The following THRAP3 variants were observed in gnomAD, a reference collection of about 807,000 sequenced individuals.
THRAP3 encodes the protein thyroid hormone receptor-associated protein 3.
THRAP3 carries 16 observed loss-of-function variants against 101.0 expected under a neutral mutation model. That is an observed-to-expected ratio of 0.16 (90% CI 0.11 to 0.24). The LOEUF (loss-of-function observed/expected upper bound fraction) is 0.24, where lower values mean the gene tolerates loss of function less well. THRAP3 is among the 10% of genes least tolerant of loss of function. The pLI, the probability that THRAP3 is intolerant of heterozygous loss-of-function variation, is 1.00. For missense variants in THRAP3, 989 were observed against 1,202.7 expected (o/e 0.82, Z 2.63); for synonymous variants, 407 against 422.6 (o/e 0.96, Z 0.45).
At chr1:36,250,246 C>G (rs1420186055) in intron 1 of THRAP3, among the ~76,000 whole-genome samples, 1 of 145,326 alleles carries the variant, frequency 6.9e-6, no homozygotes, top group East Asian at 2.0e-4. Flanking sequence ...CAAAGATTTG[C>G]TCTGTCGCCC....
the THRAP3 span, among the ~76,000 whole-genome samples, chr1:36,214,290 A>C: frequency 3.9e-5 from 6 of 152,342 alleles, no homozygotes; most frequent in South Asian, 1.2e-3. Flanking sequence ...CTAGGGAGGT[A>C]GTACCTAGCT....
chr1:36,291,276 T>C (rs1645864756), intron 5 of THRAP3, 98 bp from the exon 6 acceptor site: 3 of 1,274,280 alleles, frequency 2.4e-6, no homozygotes, highest in Admixed American at 2.6e-5. Flanking sequence ...AAGAAGTTTA[T>C]AGATAGATTT....
chr1:36,276,202 CAG>C (rs942278424), intron 2 of THRAP3, among the ~76,000 whole-genome samples: 13 of 149,020 alleles, frequency 8.7e-5, no homozygotes, highest in Admixed American at 7.3e-4. Flanking sequence ...AAAAGAAAAA[CAG>C]AGTTCAGCAG....
At chr1:36,215,320 C>A in the THRAP3 span, among the ~76,000 whole-genome samples, 1 of 152,158 alleles carries the variant, frequency 6.6e-6, no homozygotes. Context: ...CAGTGGGATC[C>A]GGCTCCTTAG....
chr1:36,235,161 G>T (rs1456061208), intron 1 of THRAP3, among the ~76,000 whole-genome samples: 1 of 145,416 alleles, frequency 6.9e-6, no homozygotes, highest in Non-Finnish European at 1.5e-5. Flanking sequence ...CTGCAGGGGG[G>T]GTTATTGTGA....
intron 1 of THRAP3, among the ~76,000 whole-genome samples, chr1:36,243,374 T>G (rs1006067072): frequency 6.6e-6 from 1 of 151,676 alleles, no homozygotes; most frequent in African/African-American, 2.4e-5. Flanking sequence ...CCCTGGGTAC[T>G]TGAGATTAGG....
intron 1 of THRAP3, among the ~76,000 whole-genome samples, chr1:36,241,315 A>G (rs981965932): frequency 1.3e-5 from 2 of 149,932 alleles, no homozygotes; most frequent in African/African-American, 2.5e-5. Context: ...TTATGTTTAA[A>G]TGACAGTGCC....
At chr1:36,285,325 C>T (rs987909469) in intron 3 of THRAP3, among the ~76,000 whole-genome samples, 2 of 152,136 alleles carry the variant, frequency 1.3e-5, no homozygotes, top group African/African-American at 4.8e-5. Flanking sequence ...TGGTTAATGT[C>T]AATGATCTAT....
At chr1:36,295,429 C>T (rs1307580331) in intron 8 of THRAP3, among the ~76,000 whole-genome samples, 1 of 152,150 alleles carries the variant, frequency 6.6e-6, no homozygotes, top group Admixed American at 6.5e-5. Flanking sequence ...TTTGCCCCAC[C>T]GAGTTTCCCA....
the THRAP3 span, among the ~76,000 whole-genome samples, chr1:36,209,901 G>A: frequency 2.0e-5 from 3 of 152,170 alleles, no homozygotes; most frequent in African/African-American, 4.8e-5. Flanking sequence ...GGAGTCAAGC[G>A]TGGAAAAAGA....
At chr1:36,224,652 T>A (rs1307288045) in intron 1 of THRAP3, 147 bp downstream of exon 1, 1 of 152,610 alleles carries the variant, frequency 6.6e-6, no homozygotes, top group Non-Finnish European at 1.5e-5. Flanking sequence ...TGGCCTCTTC[T>A]GAGCGGGCTC....
intron 5 of THRAP3, among the ~76,000 whole-genome samples, chr1:36,289,966 T>G (rs1645845022): frequency 6.6e-6 from 1 of 152,096 alleles, no homozygotes; most frequent in African/African-American, 2.4e-5. Context: ...ATCCCTGGGG[T>G]GATGAAGTAT....
At chr1:36,213,994 AAAGGAAAGAAAG>A in the THRAP3 span, among the ~76,000 whole-genome samples, 1 of 85,836 alleles carries the variant, frequency 1.2e-5, no homozygotes, top group Non-Finnish European at 2.2e-5. Context: ...AGAAAGAAAG[AAAGGAAAGAAAG>A]AAAGAAAGAA....
At chr1:36,209,101 C>T in the THRAP3 span, among the ~76,000 whole-genome samples, 4 of 148,078 alleles carry the variant, frequency 2.7e-5, no homozygotes, top group African/African-American at 7.4e-5. Flanking sequence ...CTCAGCCTCT[C>T]AAGTAGCTGG....
Position 36,281,899 on chromosome 1 carries a change from T to C in THRAP3, c.-31-634T>C, listed in dbSNP as rs1207027739. On this transcript the variant is annotated intron_variant, in intron 2 of 11. Coordinates refer to ENST00000354618, the MANE Select transcript of THRAP3 (RefSeq NM_005119.4). ...CAGCCTTACCAACAAGGAGAAACCC[T>C]GTCTCTACTAAAAATACAAAAAAAT... Among the ~76,000 whole-genome samples the C allele has an allele frequency of 5.9e-5, 9 of 152,116 alleles. 1 individual carries two copies. The South Asian group carries it at 1.9e-3, about 32-fold the overall frequency.
At chr1:36,272,448 C>G (rs1645603864) in intron 2 of THRAP3, among the ~76,000 whole-genome samples, 1 of 152,114 alleles carries the variant, frequency 6.6e-6, no homozygotes, top group Admixed American at 6.5e-5. Context: ...GAGTGTTACT[C>G]TAGAGATATC....
At chr1:36,230,060 T>C (rs1645009776) in intron 1 of THRAP3, among the ~76,000 whole-genome samples, 2 of 151,602 alleles carry the variant, frequency 1.3e-5, no homozygotes, top group African/African-American at 4.9e-5. Flanking sequence ...GTTCAAGCGA[T>C]TGTCCTGCGT....
At chr1:36,287,308 T>C in intron 4 of THRAP3, 38 bp downstream of exon 4, 1 of 1,540,778 alleles carries the variant, frequency 6.5e-7, no homozygotes, top group Non-Finnish European at 8.7e-7. Context: ...TGTGTTTTTA[T>C]CTCACTAGCT....
At chr1:36,277,650 G>C (rs2124564470) in intron 2 of THRAP3, among the ~76,000 whole-genome samples, 1 of 152,252 alleles carries the variant, frequency 6.6e-6, no homozygotes, top group African/African-American at 2.4e-5. Flanking sequence ...TGGGACTGTG[G>C]GCATGCACCA....
Sources: gnomAD v4.1 joint callset for allele counts (sites outside exome capture counted in the v4.1 genomes callset) on GRCh38, gnomAD v4.1.1 for gene constraint, MANE v1.5 for transcripts, NCBI Gene and HGNC (gene_info 2026-07-23, HGNC 2026-07-21) for gene names.